VEPH1: variants seen among roughly 807,000 people sequenced by gnomAD.
The protein encoded by VEPH1 is ventricular zone expressed PH domain containing 1.
In VEPH1, 80 loss-of-function variants were observed where a neutral mutation model predicts 85.2. That is an observed-to-expected ratio of 0.94 (90% CI 0.78 to 1.13). The LOEUF (loss-of-function observed/expected upper bound fraction) is 1.13, where lower values mean the gene tolerates loss of function less well. VEPH1 is among the 50% of genes most tolerant of loss of function. The pLI is 0.00. For synonymous variants in VEPH1, 297 were observed against 348.0 expected, an observed-to-expected ratio of 0.85 and a Z score of 1.63; for missense variants, 955 against 980.5, an observed-to-expected ratio of 0.97 and a Z score of 0.35.
At chr3:157,475,959 T>C (rs1288043290) in intron 2 of VEPH1, among the ~76,000 whole-genome samples, 3 of 152,126 alleles carry the variant, frequency 2.0e-5, no homozygotes, top group African/African-American at 7.2e-5. Context: ...GATCCACACA[T>C]GGGATTGGAC....
intron 9 of VEPH1, among the ~76,000 whole-genome samples, chr3:157,327,448 C>T (rs755045445): frequency 2.6e-5 from 4 of 152,104 alleles, no homozygotes; most frequent in Non-Finnish European, 5.9e-5. Context: ...GGCACATTTT[C>T]TCTGCAAATC....
At chr3:157,369,351 G>A (rs1345561086) in intron 7 of VEPH1, among the ~76,000 whole-genome samples, 1 of 152,104 alleles carries the variant, frequency 6.6e-6, no homozygotes, top group Non-Finnish European at 1.5e-5. Context: ...TAATTTGCAA[G>A]GGAACAAATA....
chr3:157,359,687 C>T (rs371950580), intron 9 of VEPH1, among the ~76,000 whole-genome samples: 4 of 152,244 alleles, frequency 2.6e-5, no homozygotes, highest in East Asian at 3.9e-4. Context: ...CAACTCATAC[C>T]GAATTCTGCT....
chr3:157,478,378 G>T (rs146229776), intron 2 of VEPH1, among the ~76,000 whole-genome samples: 2 of 152,194 alleles, frequency 1.3e-5, no homozygotes, highest in African/African-American at 4.8e-5. Flanking sequence ...TAAATGTTCT[G>T]CATGGTAATC....
intron 4 of VEPH1, among the ~76,000 whole-genome samples, chr3:157,447,653 G>A (rs985297444): frequency 1.3e-5 from 2 of 150,442 alleles, no homozygotes; most frequent in Non-Finnish European, 2.9e-5. Context: ...GGAGTGGAGT[G>A]GCATGATCTC....
At chr3:157,379,239 T>C (rs569069428) in intron 7 of VEPH1, among the ~76,000 whole-genome samples, 2 of 152,322 alleles carry the variant, frequency 1.3e-5, no homozygotes, top group South Asian at 4.1e-4. Flanking sequence ...CCTGCCCTAC[T>C]GAACAAATTA....
chr3:157,394,127 A>T (rs1577551747), intron 6 of VEPH1, among the ~76,000 whole-genome samples: 1 of 152,250 alleles, frequency 6.6e-6, no homozygotes, highest in Admixed American at 6.5e-5. Context: ...TTCTTACTGC[A>T]TGCAAAGTAG....
intron 1 of VEPH1, among the ~76,000 whole-genome samples, chr3:157,498,369 C>A (rs1367870494): frequency 1.3e-5 from 2 of 152,148 alleles, no homozygotes; most frequent in African/African-American, 4.8e-5. Flanking sequence ...TGTAAACGAG[C>A]CCTTTATAAA....
intron 5 of VEPH1, among the ~76,000 whole-genome samples, chr3:157,426,253 C>A (rs1577626499): frequency 6.6e-6 from 1 of 152,296 alleles, no homozygotes. Flanking sequence ...GTGTATCCTC[C>A]AGTTCAACAG....
At chr3:157,263,724 C>A (rs1305121882) in intron 13 of VEPH1, among the ~76,000 whole-genome samples, 19 of 152,112 alleles carry the variant, frequency 1.2e-4, no homozygotes, top group Admixed American at 1.2e-3. Context: ...AAAAAATATT[C>A]TTTTTCATTC....
intron 12 of VEPH1, among the ~76,000 whole-genome samples, chr3:157,277,322 T>C (rs879284045): frequency 1.3e-5 from 2 of 152,222 alleles, no homozygotes; most frequent in African/African-American, 2.4e-5. Flanking sequence ...CATAGGACTT[T>C]AGTTTTAAAT....
At chr3:157,455,852 T>C (rs549866208) in intron 4 of VEPH1, among the ~76,000 whole-genome samples, 33 of 152,296 alleles carry the variant, frequency 2.2e-4, no homozygotes, top group Admixed American at 2.2e-3. Context: ...TTGATTCCAA[T>C]GTCTTTGCTA....
intron 9 of VEPH1, among the ~76,000 whole-genome samples, chr3:157,346,375 G>A (rs867802365): frequency 6.6e-6 from 1 of 152,152 alleles, no homozygotes; most frequent in African/African-American, 2.4e-5. Flanking sequence ...ATGTGCTTGA[G>A]TTCAAAAGTT....
intron 11 of VEPH1, among the ~76,000 whole-genome samples, chr3:157,289,227 C>T (rs1717170866): frequency 6.6e-6 from 1 of 152,230 alleles, no homozygotes; most frequent in Non-Finnish European, 1.5e-5. Flanking sequence ...TCACCACAAA[C>T]ACTACTAGCA....
chr3:157,497,337 C>T (rs544428256), intron 1 of VEPH1, among the ~76,000 whole-genome samples: 1 of 152,102 alleles, frequency 6.6e-6, no homozygotes, highest in African/African-American at 2.4e-5. Context: ...CAGGAGAAGA[C>T]GCTTGGAGGA....
At chr3:157,378,748 C>A (rs13068603) in intron 7 of VEPH1, among the ~76,000 whole-genome samples, 1 of 151,954 alleles carries the variant, frequency 6.6e-6, no homozygotes, top group African/African-American at 2.4e-5. Flanking sequence ...GTTAAGAGAT[C>A]GTCCCAGGTT....
chr3:157,324,259 T>C (rs1013378836), intron 9 of VEPH1, among the ~76,000 whole-genome samples: 2 of 152,158 alleles, frequency 1.3e-5, no homozygotes, highest in Admixed American at 1.3e-4. Context: ...GGTTTCACCA[T>C]GTTGGCCAGG....
At chr3:157,464,268 A>T (rs541730239) in intron 3 of VEPH1, among the ~76,000 whole-genome samples, 20 of 152,328 alleles carry the variant, frequency 1.3e-4, no homozygotes, top group African/African-American at 4.3e-4. Flanking sequence ...CAGGTACCAA[A>T]CAACATCCAG....
chr3:157,440,580 A>G (rs188700585), intron 4 of VEPH1, among the ~76,000 whole-genome samples: 4 of 152,324 alleles, frequency 2.6e-5, no homozygotes, highest in Non-Finnish European at 4.4e-5. Context: ...ATACCTACAT[A>G]CACATACACA....
Sources: allele counts gnomAD v4.1 joint callset (sites outside exome capture counted in the v4.1 genomes callset), GRCh38; gene constraint gnomAD v4.1.1; transcripts MANE v1.5; gene names NCBI Gene and HGNC (gene_info 2026-07-23, HGNC 2026-07-21).